NBPF20: variants seen among roughly 807,000 people sequenced by gnomAD.
The protein encoded by NBPF20 is NBPF family member NBPF20.
NBPF20 carries 90 observed loss-of-function variants against 68.1 expected under a neutral mutation model. The ratio of observed to expected loss-of-function variants is 1.32; its 90% CI spans 1.11 to 1.58. NBPF20 has a LOEUF of 1.58. Ranked by LOEUF, NBPF20 falls within the 40% of genes most tolerant of loss-of-function variation. NBPF20 has a pLI of 0.00. For synonymous variants in NBPF20, 290 were observed against 228.1 expected, an observed-to-expected ratio of 1.27 and a Z score of -2.45; for missense variants, 816 against 601.2, an observed-to-expected ratio of 1.36 and a Z score of -3.74.
intron 112 of NBPF20, among the ~76,000 whole-genome samples, chr1:145,311,882 G>A (rs1180114589): frequency 8.9e-6 from 1 of 112,550 alleles, no homozygotes; most frequent in Non-Finnish European, 1.8e-5. Context: ...TGAAATTAGA[G>A]TGAAGGATGA....
At chr1:145,291,404 G>C in exon 138 of NBPF20, 1 of 1,597,154 alleles carries the variant, frequency 6.3e-7, no homozygotes, top group Non-Finnish European at 8.5e-7. Flanking sequence ...TAGGAATACA[G>C]CCATGCCCAC....
Position 145,292,577 on chromosome 1 carries a change from T to A in NBPF20, c.16589-88A>T, listed in dbSNP as rs782556819. ...ACTGTCTAATCCTCACACAGGGACC[T>A]CAGGCTCCCCAGCATAAGAATAGGA... On this transcript the variant is annotated intron_variant, in intron 136 of 137. Transcript: ENST00000369373. 2.7e-5 allele frequency: 20 copies of A among 742,142 alleles called. 1 individual carries two copies. The highest frequency in any genetic ancestry group is 2.8e-5 in the South Asian group (2 of 72,606). 46.0% of individuals were successfully genotyped at this position (742,142 alleles called of 1,614,324 possible). A position where few individuals can be genotyped will look rare whatever the true frequency, so the allele number is the denominator to read the frequency against.
intron 8 of NBPF20, among the ~76,000 whole-genome samples, chr1:145,394,184 C>T (rs1553663148): frequency 2.6e-5 from 4 of 152,134 alleles, no homozygotes; most frequent in African/African-American, 4.8e-5. Context: ...TCCTAGGCTT[C>T]TGTACACAAA....
At chr1:145,291,700 A>G (rs201353547) in exon 138 of NBPF20, 1 of 1,611,910 alleles carries the variant, frequency 6.2e-7, no homozygotes, top group Non-Finnish European at 8.5e-7. Context: ...TTGACGGAGT[A>G]GAATAACATC....
intron 137 of NBPF20, among the ~76,000 whole-genome samples, 168 bp downstream of exon 142, chr1:145,292,213 G>C (rs1185343958): frequency 1.3e-5 from 2 of 149,426 alleles, no homozygotes; most frequent in Non-Finnish European, 2.9e-5. Flanking sequence ...ATAAGGGGAG[G>C]AAGAAATGGA....
At chr1:145,400,884 C>A (rs1402887839) in intron 5 of NBPF20, among the ~76,000 whole-genome samples, 175 bp downstream of exon 10, 1 of 151,866 alleles carries the variant, frequency 6.6e-6, no homozygotes, top group Non-Finnish European at 1.5e-5. Flanking sequence ...ACACTCGGCA[C>A]ACACAGAGAA....
intron 119 of NBPF20, among the ~76,000 whole-genome samples, 197 bp from the exon 125 acceptor site, chr1:145,306,262 G>C (rs1480057553): frequency 2.0e-4 from 28 of 143,476 alleles, no homozygotes; most frequent in African/African-American, 5.4e-4. Flanking sequence ...AAGACAGATA[G>C]ACACACACAC....
At chr1:145,291,617 C>A in exon 138 of NBPF20, 2 of 1,611,998 alleles carry the variant, frequency 1.2e-6, no homozygotes, top group South Asian at 1.1e-5. Context: ...AAGGGCGAAG[C>A]TGATGTGCTG....
chr1:145,425,433 T>G, the NBPF20 span, among the ~76,000 whole-genome samples: 1 of 152,108 alleles, frequency 6.6e-6, no homozygotes, highest in Non-Finnish European at 1.5e-5. Flanking sequence ...CTCGGCCCGC[T>G]CCTGGCGCCA....
At chr1:145,395,640 C>G (rs1207093052) in intron 7 of NBPF20, among the ~76,000 whole-genome samples, 1 of 149,924 alleles carries the variant, frequency 6.7e-6, no homozygotes, top group African/African-American at 2.5e-5. Flanking sequence ...AGGAAAAAAG[C>G]ATGTATACAC....
chr1:145,421,212 T>A, the NBPF20 span, among the ~76,000 whole-genome samples: 1 of 152,084 alleles, frequency 6.6e-6, no homozygotes, highest in Non-Finnish European at 1.5e-5. Context: ...TTCTTTCTGT[T>A]AGGGAATTAA....
intron 112 of NBPF20, among the ~76,000 whole-genome samples, chr1:145,311,878 T>A (rs1383426336): frequency 8.9e-6 from 1 of 112,506 alleles, no homozygotes; most frequent in African/African-American, 4.3e-5. Context: ...ATGCTGAAAT[T>A]AGAGTGAAGG....
chr1:145,290,234 A>T (rs1274320292), exon 138 of NBPF20: 1 of 148,782 alleles, frequency 6.7e-6, no homozygotes, highest in Non-Finnish European at 1.5e-5. Context: ...ATTAGAATAC[A>T]GGATATTTAT....
At chr1:145,292,484 C>G (rs781807769) in exon 137 of NBPF20, 20 of 712,840 alleles carry the variant, frequency 2.8e-5, no homozygotes, top group Non-Finnish European at 5.0e-5. Context: ...CCCTTCTTTT[C>G]AATTTCTGCA....
intron 3 of NBPF20, among the ~76,000 whole-genome samples, chr1:145,402,708 T>C (rs1662580187): frequency 6.7e-6 from 1 of 149,028 alleles, no homozygotes; most frequent in South Asian, 2.2e-4. Context: ...CATGTGAAAA[T>C]ACACATAGTG....
upstream of NBPF20, among the ~76,000 whole-genome samples, chr1:145,406,148 G>A (rs1242376524): frequency 1.4e-5 from 2 of 141,930 alleles, no homozygotes; most frequent in East Asian, 2.1e-4. Flanking sequence ...TGTTAGCCAC[G>A]ATGGTCTCGA....
At chr1:145,404,227 C>A (rs1163883743) in intron 2 of NBPF20, among the ~76,000 whole-genome samples, 1 of 141,102 alleles carries the variant, frequency 7.1e-6, no homozygotes, top group African/African-American at 2.7e-5. Flanking sequence ...AAGCTACTCT[C>A]TGCTTTTTAT....
intron 129 of NBPF20, among the ~76,000 whole-genome samples, chr1:145,298,385 C>T (rs1183415705): frequency 2.1e-5 from 3 of 144,050 alleles, no homozygotes; most frequent in African/African-American, 8.7e-5. Context: ...CACACACACA[C>T]ACAGAGAGAG....
At chr1:145,404,577 CTG>C (rs1662681519) in intron 2 of NBPF20, among the ~76,000 whole-genome samples, 1 of 152,110 alleles carries the variant, frequency 6.6e-6, no homozygotes, top group Non-Finnish European at 1.5e-5. Flanking sequence ...GCTCTTGATG[CTG>C]TCACTTATAG....
Sources: gnomAD v4.1 joint callset for allele counts (sites outside exome capture counted in the v4.1 genomes callset) on GRCh38, gnomAD v4.1.1 for gene constraint, MANE v1.5 for transcripts, NCBI Gene and HGNC (gene_info 2026-07-23, HGNC 2026-07-21) for gene names.